The following FIBCD1 variants were observed in gnomAD, a reference collection of about 807,000 sequenced individuals.
FIBCD1 encodes fibrinogen C domain-containing protein 1.
Under a neutral mutation model 45.1 loss-of-function variants are expected in FIBCD1, and 47 were observed. The observed-to-expected ratio is 1.04, with a 90% CI of 0.82 to 1.33. The LOEUF is 1.33. Ranked by LOEUF, FIBCD1 falls within the 40% of genes most tolerant of loss-of-function variation. The probability of loss-of-function intolerance (pLI) is 0.00; values close to 1 mark genes in which losing one functional copy is unlikely to be tolerated. For missense variants in FIBCD1, 653 were observed against 682.2 expected, an observed-to-expected ratio of 0.96 and a Z score of 0.48; for synonymous variants, 313 against 308.1, an observed-to-expected ratio of 1.02 and a Z score of -0.17.
intron 1 of FIBCD1, among the ~76,000 whole-genome samples, chr9:130,937,343 T>C (rs1832533507): frequency 6.6e-6 from 1 of 152,166 alleles, no homozygotes; most frequent in South Asian, 2.1e-4. Flanking sequence ...CAACGTGCTG[T>C]GTGACTTGGG....
Position 130,911,238 on chromosome 9 carries a change from C to T in FIBCD1, c.946+554G>A, listed in dbSNP as rs149869435. Reference sequence around the variant, plus strand: ...AGAAGGAAGAAACTCCGAACATATCCGAACATCAGAAGAAAAAAACTCCAG... The same window carrying T: ...AGAAGGAAGAAACTCCGAACATATCTGAACATCAGAAGAAAAAAACTCCAG... On this transcript the variant is annotated intron_variant, in intron 5 of 6. Coordinates refer to ENST00000372338, the MANE Select transcript of FIBCD1 (RefSeq NM_032843.5). Among the ~76,000 whole-genome samples, 21 of 152,278 alleles carry T rather than the reference C, an allele frequency of 1.4e-4. 1 individual carries two copies. The highest frequency in any genetic ancestry group is 4.6e-4 in the African/African-American group (19 of 41,556).
At chr9:130,906,213 C>T (rs1831926506) in intron 5 of FIBCD1, among the ~76,000 whole-genome samples, 1 of 152,170 alleles carries the variant, frequency 6.6e-6, no homozygotes, top group South Asian at 2.1e-4. Flanking sequence ...GGGTCTCATG[C>T]CAGGCCTCCC....
At chr9:130,932,961 G>A (rs570890441) in intron 1 of FIBCD1, among the ~76,000 whole-genome samples, 6 of 152,290 alleles carry the variant, frequency 3.9e-5, no homozygotes, top group African/African-American at 1.2e-4. Context: ...CCTGGCGGGC[G>A]AGGCTGGGGC....
rs964021711 is a variant in FIBCD1 at position 130,905,229 on chromosome 9, C to T, written c.1126+5G>A. 5 of 1,609,974 alleles carry T rather than the reference C, an allele frequency of 3.1e-6. No homozygotes were observed. Among genetic ancestry groups the T allele is most frequent in the Middle Eastern group, 3.3e-4 (2 of 6,062 alleles). On this transcript the variant is annotated splice_donor_5th_base_variant and intron_variant, in intron 6 of 6. Coordinates refer to ENST00000372338, the MANE Select transcript of FIBCD1 (RefSeq NM_032843.5). ...TCCCCATCCCTGCCACAGCTGGAGCCTCACCTGCAGTGCCGGAATAGTCAG... is the reference window on the plus strand; with the variant it reads ...TCCCCATCCCTGCCACAGCTGGAGCTTCACCTGCAGTGCCGGAATAGTCAG...
At position 130,911,874 on chromosome 9, in the gene FIBCD1, C is replaced by T; in HGVS notation, c.864G>A (p.Arg288=). The change falls in exon 5 of 7, where the codon CGG becomes CGA. Residue 288 remains arginine (R), a synonymous_variant. Coordinates refer to ENST00000372338, the MANE Select transcript of FIBCD1 (RefSeq NM_032843.5). ...GGAAGAAGTTCACGGAGCCGTCCTC[C>T]CGGCGCTGAAACACCTGCAAAGGGA... is the stretch of plus-strand genomic sequence containing the variant. The part of the protein sequence containing the change: ...DGGGWTVFQR[R]EDGSVNFFRG... 1.3e-6 allele frequency: 2 copies of T among 1,584,402 alleles called. No individual in the cohort carries two copies. Among genetic ancestry groups the T allele is most frequent in the Non-Finnish European group, 1.7e-6 (2 of 1,166,660 alleles).
At chr9:130,925,558 C>CG (rs757483080) in intron 2 of FIBCD1, among the ~76,000 whole-genome samples, 7 of 152,088 alleles carry the variant, frequency 4.6e-5, no homozygotes, top group Non-Finnish European at 8.8e-5. Context: ...TTTCTCTGAG[C>CG]GGGGGGATTC....
chr9:130,939,685 G>A (rs1832586275), upstream of FIBCD1, among the ~76,000 whole-genome samples: 2 of 151,952 alleles, frequency 1.3e-5, no homozygotes, highest in South Asian at 4.1e-4. Context: ...GCGCTCCCCG[G>A]CGCGCCCCGC....
chr9:130,911,939 C>G, intron 4 of FIBCD1, 51 bp from the exon 5 acceptor site: 18 of 1,506,654 alleles, frequency 1.2e-5, no homozygotes, highest in Non-Finnish European at 1.4e-5. Context: ...TCCCAGGACT[C>G]GCAGCCCACC....
intron 2 of FIBCD1, among the ~76,000 whole-genome samples, chr9:130,925,371 T>C (rs1564339304): frequency 6.6e-6 from 1 of 152,036 alleles, no homozygotes; most frequent in Non-Finnish European, 1.5e-5. Context: ...GCTGTGTTCT[T>C]GTGTAGGAGA....
At chr9:130,930,146 G>C (rs1334320319) in intron 1 of FIBCD1, 100 bp from the exon 2 acceptor site, 12 of 1,403,788 alleles carry the variant, frequency 8.5e-6, no homozygotes, top group Admixed American at 2.9e-5. Flanking sequence ...CCCCTTCTTG[G>C]GGGGCTGGGC....
In FIBCD1 at chr9:130,920,549, C is replaced by T. The variant is rs976213823; in HGVS notation, c.849+3195G>A. On this transcript the variant is annotated intron_variant, in intron 4 of 6. Transcript: ENST00000372338. ...AGAGAGTGCCGAGGGTGTGCAGGTG[C>T]GGTGCCCACCCTGAGCTAACATGGC... Among the ~76,000 whole-genome samples the T allele has an allele frequency of 5.9e-5, 9 of 152,290 alleles. No individual in the cohort carries two copies. The East Asian group carries it at 1.2e-3, about 20-fold the overall frequency.
intron 5 of FIBCD1, among the ~76,000 whole-genome samples, chr9:130,906,480 A>G (rs1831931203): frequency 6.6e-6 from 1 of 152,194 alleles, no homozygotes; most frequent in East Asian, 1.9e-4. Flanking sequence ...TCCAGGGACC[A>G]GGAGCAGCTA....
chr9:130,939,509 C>T (rs1399285786), upstream of FIBCD1, among the ~76,000 whole-genome samples: 4 of 152,046 alleles, frequency 2.6e-5, no homozygotes, highest in Non-Finnish European at 5.9e-5. Context: ...CAGTCCGCGT[C>T]CGCAGACCCG....
At chr9:130,910,750 TC>T (rs749127436) in intron 5 of FIBCD1, among the ~76,000 whole-genome samples, 2 of 152,228 alleles carry the variant, frequency 1.3e-5, no homozygotes, top group Non-Finnish European at 2.9e-5. Flanking sequence ...ATCTAGCTGC[TC>T]TGGTGGGGCC....
At chr9:130,920,353 C>T (rs1057347156) in intron 4 of FIBCD1, among the ~76,000 whole-genome samples, 1 of 152,164 alleles carries the variant, frequency 6.6e-6, no homozygotes, top group Non-Finnish European at 1.5e-5. Flanking sequence ...CCTCCCAGCC[C>T]CGCTCCCCGC....
intron 3 of FIBCD1, 77 bp from the exon 4 acceptor site, chr9:130,923,957 C>T: frequency 6.3e-7 from 1 of 1,598,184 alleles, no homozygotes; most frequent in Non-Finnish European, 8.5e-7. Context: ...ACTGTCTGTC[C>T]ATCGATAATG....
At chr9:130,919,410 G>A (rs920175764) in intron 4 of FIBCD1, among the ~76,000 whole-genome samples, 8 of 152,190 alleles carry the variant, frequency 5.3e-5, no homozygotes, top group African/African-American at 1.9e-4. Context: ...AAGGAGGGCC[G>A]GCCGCAGCTG....
chr9:130,931,496 A>C (rs913632787), intron 1 of FIBCD1, among the ~76,000 whole-genome samples: 1 of 152,212 alleles, frequency 6.6e-6, no homozygotes, highest in African/African-American at 2.4e-5. Context: ...AGACAGAGCT[A>C]GACTCCGTCT....
At chr9:130,932,144 G>A (rs1466001506) in intron 1 of FIBCD1, among the ~76,000 whole-genome samples, 1 of 152,240 alleles carries the variant, frequency 6.6e-6, no homozygotes, top group Non-Finnish European at 1.5e-5. Context: ...CTTTCTTAGT[G>A]ATACATTGAA....
Sources: allele counts gnomAD v4.1 joint callset (sites outside exome capture counted in the v4.1 genomes callset), GRCh38; gene constraint gnomAD v4.1.1; transcripts MANE v1.5; gene names NCBI Gene and HGNC (gene_info 2026-07-23, HGNC 2026-07-21).